LTBP1: variants seen among roughly 807,000 people sequenced by gnomAD.
LTBP1 encodes latent transforming growth factor beta binding protein 1, also known as latent-transforming growth factor beta-binding protein 1.
A neutral mutation model predicts 207.6 loss-of-function variants in LTBP1; 129 were observed. The observed-to-expected ratio is 0.62, with a 90% confidence interval of 0.54 to 0.72. LTBP1 has a LOEUF of 0.72. LTBP1 is among the 30% of genes least tolerant of loss of function. The pLI, the probability that LTBP1 is intolerant of heterozygous loss-of-function variation, is 0.00. For missense variants in LTBP1, 2,281 were observed against 2,217.2 expected (o/e 1.03, Z -0.58); for synonymous variants, 963 against 833.7 (o/e 1.16, Z -2.67).
chr2:33,246,989 G>A (rs1051580698), intron 10 of LTBP1, among the ~76,000 whole-genome samples: 2 of 152,154 alleles, frequency 1.3e-5, no homozygotes, highest in African/African-American at 4.8e-5. Flanking sequence ...TATCATCTTT[G>A]CAATCCAAGT....
intron 7 of LTBP1, among the ~76,000 whole-genome samples, chr2:33,199,882 C>G (rs892763339): frequency 2.0e-5 from 3 of 152,154 alleles, no homozygotes; most frequent in African/African-American, 7.2e-5. Context: ...ACAATTGCTT[C>G]CAAGATAATA....
At chr2:33,269,473 C>G (rs1451951414) in intron 15 of LTBP1, among the ~76,000 whole-genome samples, 1 of 152,134 alleles carries the variant, frequency 6.6e-6, no homozygotes, top group Non-Finnish European at 1.5e-5. Flanking sequence ...GTGAGAGAGT[C>G]CAGTGGGGAG....
intron 2 of LTBP1, among the ~76,000 whole-genome samples, chr2:32,986,447 C>G (rs219145): frequency 0.56 from 85,093 of 151,960 alleles, 25,526 homozygotes; most frequent in East Asian, 0.69. Flanking sequence ...ACTGGGAATC[C>G]TAAGGTTTAT....
intron 24 of LTBP1, among the ~76,000 whole-genome samples, chr2:33,317,373 T>G (rs552916570): frequency 6.6e-6 from 1 of 152,350 alleles, no homozygotes; most frequent in Admixed American, 6.5e-5. Flanking sequence ...TAACTAGAAC[T>G]CTCCGTAATT....
intron 2 of LTBP1, among the ~76,000 whole-genome samples, chr2:32,991,921 G>A (rs775862310): frequency 1.4e-4 from 21 of 152,150 alleles, no homozygotes; most frequent in Non-Finnish European, 2.1e-4. Flanking sequence ...GAGCTTAAAT[G>A]TGATTCCTTA....
chr2:33,037,103 A>AT (rs1340143733), intron 3 of LTBP1, among the ~76,000 whole-genome samples: 2 of 151,758 alleles, frequency 1.3e-5, no homozygotes, highest in South Asian at 2.1e-4. Flanking sequence ...AGTATGTGTG[A>AT]TTTTTTTTCC....
chr2:33,120,358 A>G (rs1301611589), intron 4 of LTBP1, among the ~76,000 whole-genome samples: 3 of 151,996 alleles, frequency 2.0e-5, no homozygotes, highest in Non-Finnish European at 1.5e-5. Context: ...CTTAAAGTAG[A>G]CCCCAGGGTC....
At chr2:33,042,936 A>G (rs1011337998) in intron 3 of LTBP1, among the ~76,000 whole-genome samples, 2 of 151,912 alleles carry the variant, frequency 1.3e-5, no homozygotes, top group East Asian at 3.9e-4. Context: ...TGCCATTGGG[A>G]AAAAAAACAG....
chr2:33,012,514 G>A (rs1333125265), intron 2 of LTBP1, among the ~76,000 whole-genome samples: 1 of 152,146 alleles, frequency 6.6e-6, no homozygotes, highest in African/African-American at 2.4e-5. Context: ...AATTAAGGCC[G>A]CCATGTTCCT....
chr2:33,015,416 A>G (rs1160780375), intron 2 of LTBP1, among the ~76,000 whole-genome samples: 2 of 152,162 alleles, frequency 1.3e-5, no homozygotes, highest in South Asian at 4.1e-4. Flanking sequence ...CCCCAGCATC[A>G]TTTGGAAAGT....
intron 24 of LTBP1, among the ~76,000 whole-genome samples, chr2:33,318,657 C>T (rs2094308315): frequency 6.6e-6 from 1 of 152,152 alleles, no homozygotes; most frequent in Non-Finnish European, 1.5e-5. Context: ...ACTTCTGCTA[C>T]ACTTCCCTTT....
chr2:32,991,743 A>T (rs543922710), intron 2 of LTBP1, among the ~76,000 whole-genome samples: 1 of 152,288 alleles, frequency 6.6e-6, no homozygotes, highest in East Asian at 1.9e-4. Flanking sequence ...CAGTCATCTA[A>T]TCTAGCTCCT....
In LTBP1 at chr2:33,134,833, G is replaced by T; in HGVS notation, c.1074G>T (p.Pro358=). The T allele has an allele frequency of 6.2e-7, 1 of 1,613,998 alleles. No homozygotes were observed. Among genetic ancestry groups the T allele is most frequent in the South Asian group, 1.1e-5 (1 of 91,052 alleles). The change falls in exon 5 of 34, where the codon CCG becomes CCT. Residue 358 remains proline, a synonymous_variant. Coordinates refer to ENST00000404816, the MANE Select transcript of LTBP1 (RefSeq NM_206943.4). The surrounding 1 kb of genome is among the most constrained non-coding windows in gnomAD (Gnocchi z 4.4). Reference sequence around the variant, plus strand: ...GCCGCATCAAGGTGGTCTTTACTCCGAGCATCTGTAAAGTGACCTGCACCA... The same window carrying T: ...GCCGCATCAAGGTGGTCTTTACTCCTAGCATCTGTAAAGTGACCTGCACCA... ...HTGRIKVVFT[P]SICKVTCTKG...
At chr2:33,214,100 A>T (rs554368119) in intron 7 of LTBP1, among the ~76,000 whole-genome samples, 2 of 152,348 alleles carry the variant, frequency 1.3e-5, no homozygotes, top group East Asian at 3.9e-4. Flanking sequence ...TGATTAGGAG[A>T]TGAACCTAAA....
Position 33,397,226 on chromosome 2 carries a change from A to G in LTBP1, c.4928A>G (p.Tyr1643Cys). The G allele has an allele frequency of 6.2e-7, 1 of 1,614,162 alleles. No homozygotes were observed. Among genetic ancestry groups the G allele is most frequent in the Non-Finnish European group, 8.5e-7 (1 of 1,180,006 alleles). Residue 1643 changes from tyrosine (Y) to cysteine (C), a missense_variant, in exon 33 of 34, where the codon TAC becomes TGC. Coordinates refer to ENST00000404816, the MANE Select transcript of LTBP1 (RefSeq NM_206943.4). ...CGCTGTGTGAGGGTCCAGGAAGGTT[A>G]CACCTGCGATTGCTTTGATGGGTAT... ...NGRCVRVQEG[Y>C]TCDCFDGYHL...
intron 3 of LTBP1, among the ~76,000 whole-genome samples, chr2:33,026,814 A>T (rs2075437481): frequency 6.6e-6 from 1 of 152,230 alleles, no homozygotes; most frequent in South Asian, 2.1e-4. Context: ...ACATACAGAA[A>T]AGTACAAAAG....
intron 11 of LTBP1, among the ~76,000 whole-genome samples, chr2:33,255,859 A>G (rs866316366): frequency 6.6e-6 from 1 of 152,174 alleles, no homozygotes; most frequent in East Asian, 1.9e-4. Flanking sequence ...GACTTATTTT[A>G]TATTCAATTT....
chr2:33,386,681 C>T (rs1216088871), intron 31 of LTBP1, among the ~76,000 whole-genome samples: 1 of 152,130 alleles, frequency 6.6e-6, no homozygotes, highest in Non-Finnish European at 1.5e-5. Context: ...AAAAATTAGC[C>T]AGGTTTGGTA....
intron 5 of LTBP1, among the ~76,000 whole-genome samples, chr2:33,175,928 C>T (rs4464253): frequency 0.25 from 19,725 of 78,394 alleles, 2,490 homozygotes; most frequent in Non-Finnish European, 0.29. Context: ...CACCGCATAT[C>T]CTCACTCATA....
Sources: allele counts gnomAD v4.1 joint callset (sites outside exome capture counted in the v4.1 genomes callset), GRCh38; gene constraint gnomAD v4.1.1; non-coding constraint Gnocchi (gnomAD v3.1); transcripts MANE v1.5; gene names NCBI Gene and HGNC (gene_info 2026-07-23, HGNC 2026-07-21).